The following SHOX variants were observed in gnomAD, a reference collection of about 807,000 sequenced individuals.
The protein encoded by SHOX is SHOX homeobox.
Under a neutral mutation model 29.6 loss-of-function variants are expected in SHOX, and 12 were observed. That is an observed-to-expected ratio of 0.41 (90% CI 0.26 to 0.66). The LOEUF is 0.66. Ranked by LOEUF, SHOX falls within the 30% of genes least tolerant of loss-of-function variation. The pLI is 0.35. For missense variants in SHOX, 499 were observed against 437.7 expected (o/e 1.14, Z -1.25); for synonymous variants, 214 against 200.6 (o/e 1.07, Z -0.57).
In SHOX at chrX:630,962, G is replaced by A. The variant is rs767687473; in HGVS notation, c.65G>A (p.Gly22Glu). 1.9e-6 allele frequency: 3 copies of A among 1,613,214 alleles called. No homozygotes were observed. Among genetic ancestry groups the A allele is most frequent in the African/African-American group, 2.7e-5 (2 of 74,924 alleles). ...CAGAAAAGCAAGGACGGTAACGGCG[G>A]AGGCGGAGGCGGCGGAGGTAAGAAG... ...FDQKSKDGNG[G>E]GGGGGGKKDS... is the part of the protein sequence containing the mutation. Residue 22 changes from glycine (G) to glutamate (E), a missense_variant, in exon 1 of 5, where the codon GGA becomes GAA. Gly to Glu is a moderately conservative substitution (Grantham distance 98). Transcript: ENST00000686671.
chrX:624,850 C>CTT (rs2052479249), intron 1 of SHOX, among the ~76,000 whole-genome samples: 1 of 100,248 alleles, frequency 1.0e-5, no homozygotes, highest in African/African-American at 3.7e-5. Context: ...TTCCTCTCTT[C>CTT]CTCTTTCTTT....
downstream of SHOX, among the ~76,000 whole-genome samples, chrX:652,490 G>A (rs1242267368): frequency 6.6e-6 from 1 of 151,916 alleles, no homozygotes; most frequent in East Asian, 1.9e-4. Flanking sequence ...TGCCCACACA[G>A]GGTTCCCACC....
intron 2 of SHOX, among the ~76,000 whole-genome samples, chrX:639,738 ACACCTCTAATCCCAG>A (rs1364355214): frequency 6.6e-6 from 1 of 152,260 alleles, no homozygotes; most frequent in Admixed American, 6.5e-5. Flanking sequence ...GCGGTGGCTC[ACACCTCTAATCCCAG>A]CACTTTGGGA....
chrX:641,221 A>G lies in SHOX; in HGVS notation c.633+134A>G, dbSNP rs755499816. ...AGACTTCTCAGCTGGCCCTTAGAAA[A>G]AAAGCCTCTTTTCCGAGGAGGCATT... is the stretch of plus-strand genomic sequence containing the variant. On this transcript the variant is annotated intron_variant, in intron 4 of 4. Coordinates refer to ENST00000686671, the MANE Select transcript of SHOX (RefSeq NM_000451.4). 1.4e-4 allele frequency: 125 copies of G among 907,952 alleles called. No individual in the cohort carries two copies. The African/African-American group carries it at 1.7e-3, about 12-fold the overall frequency. 56.2% of individuals were successfully genotyped at this position (907,952 alleles called of 1,614,324 possible). A position where few individuals can be genotyped will look rare whatever the true frequency, so the allele number is the denominator to read the frequency against.
Position 636,949 on chromosome X carries a change from T to A in SHOX, c.486+2123T>A, listed in dbSNP as rs759707247. Among the ~76,000 whole-genome samples, 331 of 112,184 alleles carry A rather than the reference T, an allele frequency of 3.0e-3. 4 individuals carry two copies. Among genetic ancestry groups the A allele is most frequent in the South Asian group, 5.1e-3 (19 of 3,754 alleles). 73.6% of individuals were successfully genotyped at this position (112,184 alleles called of 152,430 possible). ...TTTTACGAGCTCTTTCATTTAAAAA[T>A]ATATATATATATATATATATATTTT... On this transcript the variant is annotated intron_variant, in intron 2 of 4. Coordinates refer to ENST00000686671, the MANE Select transcript of SHOX (RefSeq NM_000451.4).
rs1412274126 is a variant in SHOX at position 649,152 on chromosome X, C to T, written c.*4516C>T. On this transcript the variant is annotated 3_prime_UTR_variant, in exon 5 of 5. Coordinates refer to ENST00000686671, the MANE Select transcript of SHOX (RefSeq NM_000451.4). ...TCCTGGCTTCAAGAAATTCTCCTGC[C>T]TCAGCCTCCCAAGTAGCTGGGATGA... Among the ~76,000 whole-genome samples the T allele has an allele frequency of 2.0e-5, 3 of 152,056 alleles. No homozygotes were observed. Among genetic ancestry groups the T allele is most frequent in the Non-Finnish European group, 2.9e-5 (2 of 67,986 alleles).
At position 649,453 on chromosome X, in the gene SHOX, A is replaced by G. The variant is rs1003552128; in HGVS notation, c.*4817A>G. On this transcript the variant is annotated 3_prime_UTR_variant, in exon 5 of 5. Transcript: ENST00000686671. ...CCTCCAGAGACACGTTTGCGTGAAC[A>G]TTCAGCATGGAAACAACATACGTCT... 6.6e-6 allele frequency among the ~76,000 whole-genome samples: 1 copy of G among 152,292 alleles called. No homozygotes were observed.
At chrX:629,391 TTC>T (rs369831266), upstream of SHOX, among the ~76,000 whole-genome samples, 49,522 of 147,074 alleles carry the variant, frequency 0.34, 8,708 homozygotes, top group Non-Finnish European at 0.39. Flanking sequence ...GTGTCTCTCT[TTC>T]TCTCTCTCCA....
chrX:631,570 C>G (rs904610434), intron 1 of SHOX, among the ~76,000 whole-genome samples: 1 of 152,160 alleles, frequency 6.6e-6, no homozygotes, highest in Non-Finnish European at 1.5e-5. Flanking sequence ...CTCGCTCTGT[C>G]CCCCAGGCTG....
At chrX:659,397 G>C (rs2053195670) in exon 6 of SHOX, 1 of 152,068 alleles carries the variant, frequency 6.6e-6, no homozygotes, top group African/African-American at 2.4e-5. Flanking sequence ...TCCAAAAAAA[G>C]GACTGTTACG....
At chrX:653,481 G>A (rs1015069399), downstream of SHOX, among the ~76,000 whole-genome samples, 159 of 152,206 alleles carry the variant, frequency 1.0e-3, no homozygotes, top group African/African-American at 3.5e-3. Flanking sequence ...TTTCAAAAAT[G>A]AATGGAATCT....
At chrX:652,729 C>T (rs2053085062), downstream of SHOX, among the ~76,000 whole-genome samples, 1 of 152,188 alleles carries the variant, frequency 6.6e-6, no homozygotes, top group Non-Finnish European at 1.5e-5. Flanking sequence ...TGCAACTTGA[C>T]CGTTCCTTTC....
upstream of SHOX, among the ~76,000 whole-genome samples, chrX:625,985 CTG>C (rs778287803): frequency 8.6e-5 from 1 of 11,668 alleles, no homozygotes; most frequent in Non-Finnish European, 1.7e-4. Flanking sequence ...CTCTGTATCT[CTG>C]TCTATCTCTG....
downstream of SHOX, among the ~76,000 whole-genome samples, chrX:654,017 G>A (rs540065947): frequency 3.9e-5 from 6 of 152,202 alleles, no homozygotes; most frequent in South Asian, 2.1e-4. Context: ...TACTCTACAC[G>A]TTTTCCCAAA....
In SHOX at chrX:650,801, A is replaced by AAAAAAC. The variant is rs2053045319; in HGVS notation, c.*6170_*6171insCAAAAA. On this transcript the variant is annotated 3_prime_UTR_variant, in exon 5 of 5. Coordinates refer to ENST00000686671, the MANE Select transcript of SHOX (RefSeq NM_000451.4). ...TGGACACGTTTGACATTAAAAAAAA[A>AAAAAAC]AAAAAAAAAAAAAAAAAACTGGTGC... 6.9e-6 allele frequency among the ~76,000 whole-genome samples: 1 copy of AAAAAAC among 144,752 alleles called. No individual in the cohort carries two copies. The highest frequency in any genetic ancestry group is 1.5e-5 in the Non-Finnish European group (1 of 65,566). 95.0% of individuals were successfully genotyped at this position (144,752 alleles called of 152,430 possible). A position where few individuals can be genotyped will look rare whatever the true frequency, so the allele number is the denominator to read the frequency against.
chrX:631,205 G>T, intron 1 of SHOX, 31 bp downstream of exon 1: 2 of 1,611,522 alleles, frequency 1.2e-6, no homozygotes, highest in Non-Finnish European at 8.5e-7. Flanking sequence ...GCTCCAGGGG[G>T]GCCCTCCTGG....
Position 651,367 on chromosome X carries a change from T to C in SHOX, c.*6731T>C, listed in dbSNP as rs2053059296. ...CTTCACATTTCTATCCCTCTGTTAT[T>C]GTCGGCAGGCGGTGAGGGGTAGAAA... On this transcript the variant is annotated 3_prime_UTR_variant, in exon 5 of 5. Coordinates refer to ENST00000686671, the MANE Select transcript of SHOX (RefSeq NM_000451.4). The C allele has an allele frequency of 2.2e-6, 1 of 454,936 alleles. No individual in the cohort carries two copies. Among genetic ancestry groups the C allele is most frequent in the Non-Finnish European group, 4.4e-6 (1 of 226,674 alleles). The allele number at this position is 454,936 out of a possible 1,614,324, so 28.2% of individuals were successfully genotyped here.
rs2053033534 is a variant in SHOX at position 650,206 on chromosome X, T to C, written c.*5570T>C. Among the ~76,000 whole-genome samples the C allele has an allele frequency of 6.6e-6, 1 of 152,226 alleles. No individual in the cohort carries two copies. Among genetic ancestry groups the C allele is most frequent in the African/African-American group, 2.4e-5 (1 of 41,462 alleles). ...GCCTCTGTACGATTTAGAGCGTAAC[T>C]GACCGCGTCCAACACCCGTTTTTCC... On this transcript the variant is annotated 3_prime_UTR_variant, in exon 5 of 5. Transcript: ENST00000686671.
chrX:643,078 CCTTGGGGACCTGGTGTCCTGGGAGAGG>C (rs2052888126), intron 4 of SHOX, among the ~76,000 whole-genome samples: 1 of 92,102 alleles, frequency 1.1e-5, no homozygotes, highest in Non-Finnish European at 2.2e-5. Context: ...CCCGGGAGAG[CCTTGGGGACCTGGTGTCCTGGGAGAGG>C]CTTGGGGACC....
Sources: gnomAD v4.1 joint callset for allele counts (sites outside exome capture counted in the v4.1 genomes callset) on GRCh38, gnomAD v4.1.1 for gene constraint, MANE v1.5 for transcripts, NCBI Gene and HGNC (gene_info 2026-07-23, HGNC 2026-07-21) for gene names.